CA10: variants seen among roughly 807,000 people sequenced by gnomAD.
CA10 encodes carbonic anhydrase-related protein 10.
CA10 carries 14 observed loss-of-function variants against 44.2 expected under a neutral mutation model. That is an observed-to-expected ratio of 0.32 (90% confidence interval 0.21 to 0.50). CA10 has a LOEUF of 0.50. Among genes scored for constraint, CA10 ranks in the 20% least tolerant of loss-of-function variants. The pLI is 0.99. For missense variants in CA10, 350 were observed against 409.7 expected (o/e 0.85, Z 1.26); for synonymous variants, 159 against 141.6 (o/e 1.12, Z -0.87).
intron 3 of CA10, among the ~76,000 whole-genome samples, chr17:51,831,733 A>AGCAGCAGCGGCAGC: frequency 8.2e-6 from 1 of 121,580 alleles, no homozygotes; most frequent in East Asian, 2.1e-4. Context: ...GCAGCAGCAG[A>AGCAGCAGCGGCAGC]AAAAGACCTT....
intron 2 of CA10, among the ~76,000 whole-genome samples, chr17:52,017,269 T>C (rs1028356456): frequency 3.9e-5 from 6 of 152,156 alleles, no homozygotes; most frequent in Admixed American, 2.6e-4. Flanking sequence ...AGAGTTTGAA[T>C]GTCTCAGAGG....
intron 3 of CA10, among the ~76,000 whole-genome samples, chr17:51,764,703 A>C (rs1905306729): frequency 6.6e-6 from 1 of 152,110 alleles, no homozygotes; most frequent in Non-Finnish European, 1.5e-5. Flanking sequence ...TGCAGAATCG[A>C]CCCTGAGGAT....
intron 3 of CA10, 60 bp downstream of exon 3, chr17:51,930,930 C>T: frequency 6.3e-7 from 1 of 1,591,394 alleles, no homozygotes; most frequent in Non-Finnish European, 8.6e-7. Context: ...TGAGGATTAG[C>T]TTTCAGAATC....
At chr17:51,776,324 G>C (rs1180683750) in intron 3 of CA10, among the ~76,000 whole-genome samples, 1 of 152,136 alleles carries the variant, frequency 6.6e-6, no homozygotes, top group African/African-American at 2.4e-5. Context: ...GTAGTGGGTT[G>C]AGAATGCGCC....
chr17:51,850,625 C>T (rs757664628), intron 3 of CA10, among the ~76,000 whole-genome samples: 65 of 152,140 alleles, frequency 4.3e-4, no homozygotes, highest in Admixed American at 9.2e-4. Flanking sequence ...GACAGGCAAG[C>T]GTTTGAGTTA....
intron 3 of CA10, among the ~76,000 whole-genome samples, chr17:51,778,338 G>T (rs967239225): frequency 3.3e-5 from 5 of 152,166 alleles, no homozygotes; most frequent in Non-Finnish European, 5.9e-5. Context: ...AAGCACCAGA[G>T]GCACAGCTCA....
At chr17:51,782,138 T>C (rs1166517173) in intron 3 of CA10, among the ~76,000 whole-genome samples, 1 of 152,266 alleles carries the variant, frequency 6.6e-6, no homozygotes, top group African/African-American at 2.4e-5. Context: ...AGACATTTAT[T>C]AAATACTCAG....
chr17:51,803,352 A>T (rs1411068009), intron 3 of CA10, among the ~76,000 whole-genome samples: 2 of 152,142 alleles, frequency 1.3e-5, no homozygotes, highest in Non-Finnish European at 2.9e-5. Flanking sequence ...AGGACTGGAC[A>T]GCTCTGCCCA....
At chr17:51,899,220 G>A (rs1022723717) in intron 3 of CA10, among the ~76,000 whole-genome samples, 4 of 152,032 alleles carry the variant, frequency 2.6e-5, no homozygotes, top group Non-Finnish European at 5.9e-5. Flanking sequence ...TGCTTTAGCT[G>A]TATTCCAGAG....
At chr17:51,653,792 G>A (rs1227418508) in intron 4 of CA10, 56 bp from the exon 5 acceptor site, 2 of 1,015,492 alleles carry the variant, frequency 2.0e-6, no homozygotes, top group Non-Finnish European at 1.6e-6. Flanking sequence ...AAAGGTATGA[G>A]GCATAGCACC....
intron 1 of CA10, among the ~76,000 whole-genome samples, chr17:52,096,071 T>C (rs1196623152): frequency 6.6e-6 from 1 of 152,152 alleles, no homozygotes; most frequent in Non-Finnish European, 1.5e-5. Flanking sequence ...TTCCCAGGTA[T>C]TGTGAATATC....
chr17:51,906,397 C>A (rs1346373619), intron 3 of CA10, among the ~76,000 whole-genome samples: 1 of 152,036 alleles, frequency 6.6e-6, no homozygotes, highest in Non-Finnish European at 1.5e-5. Flanking sequence ...GCTTTTATGG[C>A]ACCACACTTT....
intron 3 of CA10, among the ~76,000 whole-genome samples, chr17:51,820,185 G>GCC (rs777557347): frequency 1.3e-4 from 10 of 75,412 alleles, no homozygotes; most frequent in African/African-American, 3.3e-4. Context: ...CCTGAGCGCC[G>GCC]CCCCCCCCCC....
chr17:51,734,025 G>A (rs1301569592), intron 4 of CA10, among the ~76,000 whole-genome samples: 1 of 102,992 alleles, frequency 9.7e-6, no homozygotes, highest in African/African-American at 3.4e-5. Context: ...AGTGGCAGGA[G>A]CAGGAGGTTC....
At chr17:52,103,491 G>C (rs1988588206) in intron 1 of CA10, among the ~76,000 whole-genome samples, 1 of 152,170 alleles carries the variant, frequency 6.6e-6, no homozygotes, top group South Asian at 2.1e-4. Flanking sequence ...TCTTGCTGAA[G>C]AGTGAGTCTG....
intron 3 of CA10, among the ~76,000 whole-genome samples, chr17:51,857,204 A>T (rs140136825): frequency 2.0e-5 from 3 of 152,312 alleles, no homozygotes; most frequent in African/African-American, 7.2e-5. Flanking sequence ...ATCTCCAGGC[A>T]TTTTACAATT....
chr17:51,685,423 C>T (rs1402232050), intron 4 of CA10, among the ~76,000 whole-genome samples: 6 of 152,116 alleles, frequency 3.9e-5, no homozygotes, highest in Non-Finnish European at 8.8e-5. Flanking sequence ...TGTGTCTCCT[C>T]CTACCTCTGC....
At chr17:51,854,081 G>T (rs548184428) in intron 3 of CA10, among the ~76,000 whole-genome samples, 3 of 152,256 alleles carry the variant, frequency 2.0e-5, no homozygotes, top group Admixed American at 2.0e-4. Context: ...TTACCTTCTG[G>T]TCCTACACTT....
chr17:52,069,413 G>T (rs768688853), intron 2 of CA10, among the ~76,000 whole-genome samples: 5 of 152,162 alleles, frequency 3.3e-5, no homozygotes, highest in Non-Finnish European at 7.3e-5. Flanking sequence ...TCAGGGCTCT[G>T]CCTGCAAGAC....
Sources: gnomAD v4.1 joint callset for allele counts (sites outside exome capture counted in the v4.1 genomes callset) on GRCh38, gnomAD v4.1.1 for gene constraint, MANE v1.5 for transcripts, NCBI Gene and HGNC (gene_info 2026-07-23, HGNC 2026-07-21) for gene names.